Variants in STK3 observed in about 807,000 individuals in gnomAD.
The protein encoded by STK3 is serine/threonine kinase 3, also known as serine/threonine-protein kinase 3.
STK3 carries 41 observed loss-of-function variants against 58.0 expected under a neutral mutation model. The observed-to-expected ratio is 0.71, with a 90% CI of 0.55 to 0.92. STK3 has a LOEUF of 0.92. Ranked by LOEUF, STK3 falls within the 40% of genes least tolerant of loss-of-function variation. STK3 has a pLI of 0.00. For synonymous variants in STK3, 170 were observed against 191.0 expected (o/e 0.89, Z 0.91); for missense variants, 479 against 602.7 (o/e 0.79, Z 2.15).
chr8:98,523,280 T>G (rs1825502955), intron 10 of STK3, among the ~76,000 whole-genome samples: 1 of 152,216 alleles, frequency 6.6e-6, no homozygotes, highest in Admixed American at 6.5e-5. Context: ...TTGATATGCA[T>G]TTCTCTAATG....
intron 6 of STK3, chr8:98,633,757 C>CAGAGA (rs1010271034): frequency 3.5e-6 from 2 of 578,218 alleles, no homozygotes; most frequent in Non-Finnish European, 6.4e-6. Flanking sequence ...CAGCAAGAGC[C>CAGAGA]AGAGAAGAAG....
At chr8:98,708,554 C>T (rs1470174715) in intron 4 of STK3, among the ~76,000 whole-genome samples, 1 of 151,938 alleles carries the variant, frequency 6.6e-6, no homozygotes, top group East Asian at 1.9e-4. Context: ...GTAGAGAAGG[C>T]CGAGGAAGAG....
intron 1 of STK3, among the ~76,000 whole-genome samples, chr8:98,913,911 A>T (rs2131988038): frequency 6.6e-6 from 1 of 152,320 alleles, no homozygotes; most frequent in African/African-American, 2.4e-5. Context: ...TCATCGCAAA[A>T]ACACGGAGGC....
At chr8:98,546,166 ATC>A (rs1810682659) in intron 9 of STK3, among the ~76,000 whole-genome samples, 1 of 152,158 alleles carries the variant, frequency 6.6e-6, no homozygotes, top group Non-Finnish European at 1.5e-5. Context: ...TTTCACTAAA[ATC>A]TCTGTGACAA....
chr8:98,674,236 A>G (rs1360400085), intron 6 of STK3, among the ~76,000 whole-genome samples: 1 of 152,192 alleles, frequency 6.6e-6, no homozygotes, highest in Admixed American at 6.5e-5. Flanking sequence ...ACAAAAGGAC[A>G]ACCAAAGAAT....
intron 1 of STK3, among the ~76,000 whole-genome samples, chr8:98,790,435 C>A (rs1587629336): frequency 6.6e-6 from 1 of 152,168 alleles, no homozygotes; most frequent in Non-Finnish European, 1.5e-5. Flanking sequence ...ATCGTCTCAA[C>A]AGATGCAGAA....
chr8:98,707,964 CCTCGT>C (rs749290862), intron 4 of STK3, among the ~76,000 whole-genome samples: 3 of 151,732 alleles, frequency 2.0e-5, no homozygotes, highest in Non-Finnish European at 4.4e-5. Context: ...CATGGTGAAA[CCTCGT>C]CTCTACTAAA....
At chr8:98,916,442 C>A (rs571600658) in intron 1 of STK3, among the ~76,000 whole-genome samples, 1 of 152,088 alleles carries the variant, frequency 6.6e-6, no homozygotes, top group Admixed American at 6.6e-5. Context: ...AACAAACAAA[C>A]AAAAAACCAC....
intron 9 of STK3, among the ~76,000 whole-genome samples, chr8:98,547,558 C>T (rs933967819): frequency 2.6e-5 from 4 of 152,114 alleles, no homozygotes; most frequent in African/African-American, 9.7e-5. Flanking sequence ...TTATTTCTTC[C>T]CATAGCTCGC....
intron 1 of STK3, among the ~76,000 whole-genome samples, chr8:98,777,623 T>C (rs1831787950): frequency 6.6e-6 from 1 of 152,236 alleles, no homozygotes; most frequent in Non-Finnish European, 1.5e-5. Flanking sequence ...CAACATGGTG[T>C]GATGGGCTTA....
At chr8:98,906,318 G>A (rs557782535) in intron 1 of STK3, 3 of 152,724 alleles carry the variant, frequency 2.0e-5, no homozygotes, top group Admixed American at 2.0e-4. Flanking sequence ...TATGAGGGCA[G>A]AACTTGGAAG....
At chr8:98,597,319 AG>A (rs1815913104) in intron 6 of STK3, 15 of 985,304 alleles carry the variant, frequency 1.5e-5, no homozygotes, top group Non-Finnish European at 1.8e-5. Context: ...TGTTGATTAT[AG>A]GTTAAGAGTC....
chr8:98,591,027 A>C (rs949161157), intron 7 of STK3, among the ~76,000 whole-genome samples: 51 of 152,236 alleles, frequency 3.4e-4, no homozygotes, highest in African/African-American at 1.2e-3. Flanking sequence ...CTTTAAAAAT[A>C]TACAGATAGT....
At chr8:98,416,909 G>A (rs934197054) in intron 3 of STK3, among the ~76,000 whole-genome samples, 4 of 152,166 alleles carry the variant, frequency 2.6e-5, no homozygotes, top group Non-Finnish European at 5.9e-5. Flanking sequence ...GGTCTCTAAG[G>A]ACAAGCTGCA....
downstream of STK3, among the ~76,000 whole-genome samples, chr8:98,401,093 C>T (rs563846813): frequency 3.6e-4 from 55 of 152,254 alleles, no homozygotes; most frequent in Non-Finnish European, 7.4e-4. Context: ...CTCTCTCTCT[C>T]GGGACACATG....
intron 3 of STK3, chr8:98,429,570 A>T: frequency 1.7e-6 from 1 of 599,976 alleles, no homozygotes; most frequent in South Asian, 2.5e-5. Flanking sequence ...TACAGTTTTT[A>T]GAATCGTTTT....
At chr8:98,796,952 G>A (rs1411647982) in intron 1 of STK3, among the ~76,000 whole-genome samples, 4 of 152,026 alleles carry the variant, frequency 2.6e-5, no homozygotes, top group African/African-American at 4.8e-5. Context: ...GTCAGGCCTC[G>A]GATTTCTGGA....
downstream of STK3, among the ~76,000 whole-genome samples, chr8:98,399,468 G>C (rs773975202): frequency 1.2e-4 from 18 of 152,238 alleles, no homozygotes; most frequent in Non-Finnish European, 2.5e-4. Flanking sequence ...GGCCACGGCA[G>C]GGAAGGAGAC....
chr8:98,586,618 A>T lies in STK3; in HGVS notation c.823-6829T>A, dbSNP rs575624181. Among the ~76,000 whole-genome samples the T allele has an allele frequency of 4.4e-3, 656 of 150,770 alleles. 8 individuals are homozygous for T. The highest frequency in any genetic ancestry group is 5.8e-3 in the East Asian group (30 of 5,138). On this transcript the variant is annotated intron_variant, in intron 7 of 10. Coordinates refer to ENST00000419617, the MANE Select transcript of STK3 (RefSeq NM_006281.4). ...AGAATGATGCTGGCCTCATAAAATG[A>T]GTTAGGGAGGATTCCCTCTTTTTCT...
Sources: allele counts gnomAD v4.1 joint callset (sites outside exome capture counted in the v4.1 genomes callset), GRCh38; gene constraint gnomAD v4.1.1; transcripts MANE v1.5; gene names NCBI Gene and HGNC (gene_info 2026-07-23, HGNC 2026-07-21).